The following KPNA7 variants were observed in gnomAD, a reference collection of about 807,000 sequenced individuals.
The protein encoded by KPNA7 is karyopherin subunit alpha 7, also known as importin subunit alpha-8.
KPNA7 carries 54 observed loss-of-function variants against 53.7 expected under a neutral mutation model. The observed-to-expected ratio is 1.01, with a 90% CI of 0.81 to 1.26. The LOEUF (loss-of-function observed/expected upper bound fraction) is 1.26, where lower values mean the gene tolerates loss of function less well. Among genes scored for constraint, KPNA7 ranks in the 50% most tolerant of loss-of-function variants. The pLI is 0.00. For synonymous variants in KPNA7, 276 were observed against 259.3 expected, an observed-to-expected ratio of 1.06 and a Z score of -0.62; for missense variants, 640 against 644.5, an observed-to-expected ratio of 0.99 and a Z score of 0.07.
At chr7:99,190,617 C>T (rs1584288068) in intron 6 of KPNA7, among the ~76,000 whole-genome samples, 1 of 151,052 alleles carries the variant, frequency 6.6e-6, no homozygotes, top group South Asian at 2.1e-4. Context: ...GTAGACCAGA[C>T]AGTATGTAAA....
At chr7:99,171,719 G>A (rs1187264961), downstream of KPNA7, among the ~76,000 whole-genome samples, 2 of 152,138 alleles carry the variant, frequency 1.3e-5, no homozygotes, top group South Asian at 2.1e-4. Context: ...TGGTTCCACT[G>A]CACTCCAGCC....
At chr7:99,178,935 A>G (rs1799038175) in intron 9 of KPNA7, among the ~76,000 whole-genome samples, 1 of 151,946 alleles carries the variant, frequency 6.6e-6, no homozygotes. Flanking sequence ...GGTACATGCC[A>G]TGCCAGGCTT....
rs55867906 is a variant in KPNA7, at chr7:99,187,799, TAAAAAA to T, written c.900+495_900+500del. ...AGCCACCGTGCCCGGCCTTTTTTTT[TAAAAAA>T]AAAAAAAAAAAAAAAAAAAAAAAAA... On this transcript the variant is annotated intron_variant, in intron 7 of 10. Coordinates refer to ENST00000327442, the MANE Select transcript of KPNA7 (RefSeq NM_001145715.3). 7.2e-4 allele frequency among the ~76,000 whole-genome samples: 47 copies of T among 65,092 alleles called. 4 individuals carry two copies. Among genetic ancestry groups the T allele is most frequent in the African/African-American group, 3.2e-3 (40 of 12,324 alleles). The allele number at this position is 65,092 out of a possible 152,430, so 42.7% of individuals were successfully genotyped here. A position where few individuals can be genotyped will look rare whatever the true frequency, so the allele number is the denominator to read the frequency against.
the KPNA7 span, among the ~76,000 whole-genome samples, chr7:99,160,017 GTT>G: frequency 1.5e-4 from 10 of 67,660 alleles, no homozygotes; most frequent in African/African-American, 2.9e-4. Context: ...TGTTGTTTTT[GTT>G]TTTTTTTTTT....
chr7:99,186,084 C>T (rs750092837), intron 7 of KPNA7, among the ~76,000 whole-genome samples: 5 of 152,274 alleles, frequency 3.3e-5, no homozygotes, highest in Non-Finnish European at 2.9e-5. Context: ...TGAGCTACTG[C>T]GCCCAGTGAC....
the KPNA7 span, among the ~76,000 whole-genome samples, chr7:99,161,916 T>C: frequency 1.3e-5 from 2 of 152,184 alleles, no homozygotes; most frequent in Non-Finnish European, 1.5e-5. Flanking sequence ...CAAGTTATTC[T>C]TTTATGCCTT....
chr7:99,157,134 T>C, the KPNA7 span, among the ~76,000 whole-genome samples: 1 of 152,172 alleles, frequency 6.6e-6, no homozygotes, highest in Non-Finnish European at 1.5e-5. Flanking sequence ...AATTAGAGGA[T>C]GTTGGTTTTA....
At chr7:99,173,848 C>G (rs1798816541) in intron 10 of KPNA7, 54 bp from the exon 11 acceptor site, 2 of 1,095,604 alleles carry the variant, frequency 1.8e-6, no homozygotes, top group East Asian at 5.2e-5. Flanking sequence ...CACATTATCA[C>G]TGCACATTTG....
intron 9 of KPNA7, among the ~76,000 whole-genome samples, chr7:99,181,371 G>A (rs1294467988): frequency 1.3e-5 from 2 of 152,100 alleles, no homozygotes; most frequent in Non-Finnish European, 1.5e-5. Context: ...CATACATAAT[G>A]TCCATTACAG....
downstream of KPNA7, among the ~76,000 whole-genome samples, chr7:99,172,308 A>G (rs1480765766): frequency 6.6e-6 from 1 of 152,210 alleles, no homozygotes; most frequent in Non-Finnish European, 1.5e-5. Flanking sequence ...ATGGGGTGGA[A>G]GAGGCATGGG....
upstream of KPNA7, among the ~76,000 whole-genome samples, chr7:99,209,003 T>A (rs1363419249): frequency 6.6e-6 from 1 of 151,798 alleles, no homozygotes; most frequent in Non-Finnish European, 1.5e-5. Context: ...AATACAAAAA[T>A]TAGTCAGGCA....
chr7:99,187,726 T>C (rs1403132219), intron 7 of KPNA7, among the ~76,000 whole-genome samples: 1 of 150,218 alleles, frequency 6.7e-6, no homozygotes, highest in African/African-American at 2.4e-5. Context: ...GTTAATTCTT[T>C]GGTGTTTTAC....
At chr7:99,176,584 A>G (rs1316193398) in intron 10 of KPNA7, among the ~76,000 whole-genome samples, 1 of 152,180 alleles carries the variant, frequency 6.6e-6, no homozygotes, top group Non-Finnish European at 1.5e-5. Flanking sequence ...TATATACTCC[A>G]AAGAATTGGG....
At chr7:99,189,936 G>T (rs1429907068) in intron 6 of KPNA7, among the ~76,000 whole-genome samples, 1 of 152,112 alleles carries the variant, frequency 6.6e-6, no homozygotes. Context: ...CTTCTTTGGG[G>T]TTAGGGATGG....
At chr7:99,193,431 C>T (rs1028162443) in intron 5 of KPNA7, among the ~76,000 whole-genome samples, 2 of 152,222 alleles carry the variant, frequency 1.3e-5, no homozygotes, top group Non-Finnish European at 2.9e-5. Context: ...AAGACCTTGG[C>T]ACAGGGCAGT....
chr7:99,162,038 T>A, the KPNA7 span, among the ~76,000 whole-genome samples: 1 of 97,502 alleles, frequency 1.0e-5, no homozygotes, highest in Non-Finnish European at 2.0e-5. Flanking sequence ...AAGATTGCAA[T>A]TTTTTTTTTT....
At chr7:99,191,506 T>C (rs1789952122) in intron 6 of KPNA7, among the ~76,000 whole-genome samples, 1 of 152,168 alleles carries the variant, frequency 6.6e-6, no homozygotes, top group African/African-American at 2.4e-5. Context: ...CTCTACTCCC[T>C]TGCCTCAAAA....
chr7:99,204,782 G>A (rs1790709729), intron 2 of KPNA7, among the ~76,000 whole-genome samples: 1 of 151,970 alleles, frequency 6.6e-6, no homozygotes, highest in South Asian at 2.1e-4. Flanking sequence ...CTTGAGCCTG[G>A]GAGGCAGAGG....
At chr7:99,146,397 A>G in the KPNA7 span, among the ~76,000 whole-genome samples, 1 of 152,188 alleles carries the variant, frequency 6.6e-6, no homozygotes, top group South Asian at 2.1e-4. Context: ...TAAACCCATA[A>G]TATGTTGAAA....
Sources: gnomAD v4.1 joint callset for allele counts (sites outside exome capture counted in the v4.1 genomes callset) on GRCh38, gnomAD v4.1.1 for gene constraint, MANE v1.5 for transcripts, NCBI Gene and HGNC (gene_info 2026-07-23, HGNC 2026-07-21) for gene names.